The following MAML2 variants were observed in gnomAD, a reference collection of about 807,000 sequenced individuals.
MAML2 encodes the protein mastermind-like protein 2.
MAML2 carries 22 observed loss-of-function variants against 96.1 expected under a neutral mutation model. That is an observed-to-expected ratio of 0.23 (90% CI 0.16 to 0.33). The LOEUF (loss-of-function observed/expected upper bound fraction) is 0.33, where lower values mean the gene tolerates loss of function less well. Among genes scored for constraint, MAML2 ranks in the 10% least tolerant of loss-of-function variants. The pLI is 1.00. For synonymous variants in MAML2, 561 were observed against 521.3 expected (o/e 1.08, Z -1.04); for missense variants, 1,367 against 1,392.4 (o/e 0.98, Z 0.29).
At chr11:96,052,164 C>G (rs1319370475) in intron 2 of MAML2, among the ~76,000 whole-genome samples, 1 of 152,164 alleles carries the variant, frequency 6.6e-6, no homozygotes, top group Non-Finnish European at 1.5e-5. Context: ...CATATACATT[C>G]TTTGCATGTC....
chr11:96,059,609 G>C (rs1859123072), intron 2 of MAML2, among the ~76,000 whole-genome samples: 1 of 152,058 alleles, frequency 6.6e-6, no homozygotes, highest in African/African-American at 2.4e-5. Flanking sequence ...TTTTTTGGGG[G>C]TGGGGAGGAT....
At chr11:96,197,919 G>C (rs1418491026) in intron 1 of MAML2, among the ~76,000 whole-genome samples, 2 of 152,236 alleles carry the variant, frequency 1.3e-5, no homozygotes, top group East Asian at 3.9e-4. Context: ...TCTAAAAGAG[G>C]GAACAACATA....
At chr11:96,042,211 C>G (rs1364434064) in intron 2 of MAML2, among the ~76,000 whole-genome samples, 1 of 152,146 alleles carries the variant, frequency 6.6e-6, no homozygotes, top group Non-Finnish European at 1.5e-5. Flanking sequence ...CTCCTGACCT[C>G]GTGATCCACC....
intron 1 of MAML2, among the ~76,000 whole-genome samples, chr11:96,276,812 G>T (rs1479136280): frequency 2.6e-5 from 2 of 76,784 alleles, no homozygotes; most frequent in South Asian, 4.7e-4. Context: ...TAGCTTCTCA[G>T]ACCCAAAAAA....
rs371149653 is a variant in MAML2 at position 96,013,196 on chromosome 11, T to A, written c.2140-21473A>T. On this transcript the variant is annotated intron_variant, in intron 2 of 4. Transcript: ENST00000524717. ...ATGATCAAGGGAAGTAGGTTATGTATCAACAAACATATTGTTTTTCCAATA... is the reference window on the plus strand; with the variant it reads ...ATGATCAAGGGAAGTAGGTTATGTAACAACAAACATATTGTTTTTCCAATA... Among the ~76,000 whole-genome samples, 19 of 152,310 alleles carry A rather than the reference T, an allele frequency of 1.2e-4. No individual in the cohort carries two copies. The East Asian group carries it at 1.9e-3, about 15-fold the overall frequency.
chr11:96,160,596 T>C (rs910368235), intron 1 of MAML2, among the ~76,000 whole-genome samples: 4 of 152,074 alleles, frequency 2.6e-5, no homozygotes, highest in Non-Finnish European at 5.9e-5. Flanking sequence ...TCCAGCTAAT[T>C]TTTCTATTTT....
intron 1 of MAML2, among the ~76,000 whole-genome samples, chr11:96,265,904 G>A (rs1862819109): frequency 6.6e-6 from 1 of 152,184 alleles, no homozygotes; most frequent in Non-Finnish European, 1.5e-5. Context: ...GCCCACGTGT[G>A]ATCTGATTCT....
At chr11:96,266,789 G>A (rs1022627497) in intron 1 of MAML2, among the ~76,000 whole-genome samples, 2 of 152,166 alleles carry the variant, frequency 1.3e-5, no homozygotes, top group African/African-American at 4.8e-5. Context: ...TTACTCTTAT[G>A]TGGTTAGGTA....
intron 1 of MAML2, among the ~76,000 whole-genome samples, chr11:96,298,210 G>T (rs1362600330): frequency 6.6e-6 from 1 of 152,168 alleles, no homozygotes; most frequent in Admixed American, 6.5e-5. Flanking sequence ...TCCACGGTAA[G>T]GATATCTTCT....
At chr11:96,215,610 C>T (rs1457826802) in intron 1 of MAML2, among the ~76,000 whole-genome samples, 1 of 151,850 alleles carries the variant, frequency 6.6e-6, no homozygotes, top group South Asian at 2.1e-4. Context: ...AGAGACAGAC[C>T]GACCTCATGA....
chr11:96,097,755 T>C (rs1014399340), intron 1 of MAML2, among the ~76,000 whole-genome samples: 1 of 152,232 alleles, frequency 6.6e-6, no homozygotes, highest in African/African-American at 2.4e-5. Context: ...CTATGTTCTA[T>C]GAAAGCCTCT....
intron 1 of MAML2, among the ~76,000 whole-genome samples, chr11:96,171,979 T>A (rs1425911800): frequency 6.6e-6 from 1 of 152,248 alleles, no homozygotes; most frequent in Non-Finnish European, 1.5e-5. Context: ...GACCATGCCT[T>A]CCATGTCTTG....
At chr11:96,076,315 C>T (rs888753125) in intron 2 of MAML2, among the ~76,000 whole-genome samples, 1 of 152,112 alleles carries the variant, frequency 6.6e-6, no homozygotes, top group Non-Finnish European at 1.5e-5. Flanking sequence ...GAGAGACACA[C>T]CAGCTCCCCT....
intron 2 of MAML2, among the ~76,000 whole-genome samples, chr11:96,030,829 C>T (rs928384412): frequency 1.3e-5 from 2 of 152,122 alleles, no homozygotes; most frequent in East Asian, 1.9e-4. Flanking sequence ...AACTGGGAAC[C>T]CAAGGCTACA....
intron 2 of MAML2, among the ~76,000 whole-genome samples, chr11:96,008,054 G>A (rs1034615023): frequency 9.2e-5 from 14 of 151,554 alleles, no homozygotes; most frequent in Non-Finnish European, 1.5e-4. Flanking sequence ...TCAGTGAAAT[G>A]ACGAATATCA....
At chr11:96,069,216 C>A (rs1197199763) in intron 2 of MAML2, among the ~76,000 whole-genome samples, 8 of 152,136 alleles carry the variant, frequency 5.3e-5, no homozygotes, top group Non-Finnish European at 1.0e-4. Flanking sequence ...GGGTGAGCCA[C>A]TGAGTCTGGC....
chr11:96,180,273 G>A (rs2135909684), intron 1 of MAML2, among the ~76,000 whole-genome samples: 1 of 152,298 alleles, frequency 6.6e-6, no homozygotes, highest in Middle Eastern at 3.4e-3. Flanking sequence ...TCCTCCCCCT[G>A]AGAGGTGGGT....
chr11:96,138,256 T>A (rs1414226175), intron 1 of MAML2, among the ~76,000 whole-genome samples: 2 of 152,218 alleles, frequency 1.3e-5, no homozygotes, highest in Non-Finnish European at 2.9e-5. Context: ...CTGTGTTTGT[T>A]GGCTGAATCC....
chr11:96,038,193 TG>T (rs1386235189), intron 2 of MAML2, among the ~76,000 whole-genome samples: 1 of 149,966 alleles, frequency 6.7e-6, no homozygotes, highest in Non-Finnish European at 1.5e-5. Flanking sequence ...GTGTGTTCTA[TG>T]GGAAAGGAAG....
Sources: allele counts gnomAD v4.1 joint callset (sites outside exome capture counted in the v4.1 genomes callset), GRCh38; gene constraint gnomAD v4.1.1; transcripts MANE v1.5; gene names NCBI Gene and HGNC (gene_info 2026-07-23, HGNC 2026-07-21).